KCNK10: variants seen among roughly 807,000 people sequenced by gnomAD.
The protein encoded by KCNK10 is potassium two pore domain channel subfamily K member 10.
KCNK10 carries 25 observed loss-of-function variants against 47.7 expected under a neutral mutation model. The observed-to-expected ratio is 0.52, with a 90% CI of 0.38 to 0.73. The LOEUF is 0.73. Among genes scored for constraint, KCNK10 ranks in the 30% least tolerant of loss-of-function variants. KCNK10 has a pLI of 0.00. For missense variants in KCNK10, 563 were observed against 714.5 expected (o/e 0.79, Z 2.42); for synonymous variants, 303 against 285.6 (o/e 1.06, Z -0.61).
Position 88,185,463 on chromosome 14 carries a change from T to C in KCNK10, c.*72A>G. 1 of 1,531,988 alleles carries C rather than the reference T, an allele frequency of 6.5e-7. No homozygotes were observed. Among genetic ancestry groups the C allele is most frequent in the Non-Finnish European group, 8.8e-7 (1 of 1,140,700 alleles). The allele number at this position is 1,531,988 out of a possible 1,614,324, so 94.9% of individuals were successfully genotyped here. On this transcript the variant is annotated 3_prime_UTR_variant, in exon 7 of 7. Coordinates refer to ENST00000319231, the MANE Select transcript of KCNK10 (RefSeq NM_138317.3). The surrounding 1 kb of genome is among the most constrained non-coding windows in gnomAD (Gnocchi z 4.3). ...CTAAAAAGTCTGTTTAAGGCACATGTCTCAGTGTGAATATTAAAAACACAC... is the reference window on the plus strand; with the variant it reads ...CTAAAAAGTCTGTTTAAGGCACATGCCTCAGTGTGAATATTAAAAACACAC...
chr14:88,244,600 G>A (rs1309946519), intron 2 of KCNK10, among the ~76,000 whole-genome samples: 1 of 152,116 alleles, frequency 6.6e-6, no homozygotes, highest in East Asian at 1.9e-4. Flanking sequence ...CCTGGGAGGT[G>A]GAGCTTGCAG....
rs11847997 is a variant in KCNK10, at chr14:88,293,822, T to C, written c.52+28925A>G. Among the ~76,000 whole-genome samples, 945 of 152,064 alleles carry C rather than the reference T, an allele frequency of 6.2e-3. 10 individuals carry two copies. The highest frequency in any genetic ancestry group is 0.022 in the African/African-American group (904 of 41,484). ...TCCCAAGCAGCTGGGACTATAGGCA[T>C]GCACCACCACACTTGGCTAATTTAA... On this transcript the variant is annotated intron_variant, in intron 1 of 6. Coordinates refer to ENST00000319231, the MANE Select transcript of KCNK10 (RefSeq NM_138317.3).
intron 1 of KCNK10, among the ~76,000 whole-genome samples, chr14:88,321,727 T>C (rs1227533761): frequency 6.6e-6 from 1 of 152,228 alleles, no homozygotes; most frequent in Non-Finnish European, 1.5e-5. Context: ...GTTTCTTCTT[T>C]CCAGTCTGGA....
intron 1 of KCNK10, among the ~76,000 whole-genome samples, chr14:88,265,280 T>C (rs1887222073): frequency 6.6e-6 from 1 of 152,162 alleles, no homozygotes; most frequent in African/African-American, 2.4e-5. Flanking sequence ...GGGATGATCT[T>C]GGATTATATG....
chr14:88,307,702 C>T (rs12587003), intron 1 of KCNK10, among the ~76,000 whole-genome samples: 80,820 of 152,066 alleles, frequency 0.53, 25,164 homozygotes, highest in Non-Finnish European at 0.7. Context: ...GCATCTAAGT[C>T]GGTGAGCTAA....
intron 1 of KCNK10, among the ~76,000 whole-genome samples, chr14:88,303,248 G>A (rs1337535959): frequency 2.0e-5 from 3 of 152,148 alleles, no homozygotes; most frequent in Admixed American, 6.5e-5. Context: ...CAGTGAGAAC[G>A]TAACTCTCTT....
At chr14:88,233,050 G>A (rs1357899003) in intron 3 of KCNK10, among the ~76,000 whole-genome samples, 1 of 152,220 alleles carries the variant, frequency 6.6e-6, no homozygotes, top group Non-Finnish European at 1.5e-5. Context: ...GATATTCACT[G>A]GCCCTGCATG....
chr14:88,246,420 A>G (rs1219604123), intron 2 of KCNK10, among the ~76,000 whole-genome samples: 1 of 152,188 alleles, frequency 6.6e-6, no homozygotes, highest in East Asian at 1.9e-4. Flanking sequence ...GGGCAGCAAC[A>G]TCTCTCCACC....
At chr14:88,270,014 C>G (rs1887363230) in intron 1 of KCNK10, among the ~76,000 whole-genome samples, 1 of 152,152 alleles carries the variant, frequency 6.6e-6, no homozygotes, top group Admixed American at 6.5e-5. Context: ...AGCAGCGTGA[C>G]TCTGCTACTG....
chr14:88,211,173 T>C lies in KCNK10; in HGVS notation c.681+16202A>G, dbSNP rs148962652. Among the ~76,000 whole-genome samples, 24 of 152,280 alleles carry C rather than the reference T, an allele frequency of 1.6e-4. No homozygotes were observed. The East Asian group carries it at 4.4e-3, about 28-fold the overall frequency. On this transcript the variant is annotated intron_variant, in intron 4 of 6. Coordinates refer to ENST00000319231, the MANE Select transcript of KCNK10 (RefSeq NM_138317.3). ...ACAGACAGGGGGATATTACTCAGCC[T>C]TGAAAGGAAGGAAATTCTGACACAT...
intron 2 of KCNK10, among the ~76,000 whole-genome samples, chr14:88,255,002 G>A (rs954715618): frequency 6.6e-6 from 1 of 152,232 alleles, no homozygotes; most frequent in Non-Finnish European, 1.5e-5. Context: ...ATATGAGGAG[G>A]GGCCTTAGGT....
At chr14:88,206,158 T>C (rs186019660) in intron 4 of KCNK10, among the ~76,000 whole-genome samples, 114 of 152,324 alleles carry the variant, frequency 7.5e-4, no homozygotes, top group African/African-American at 2.2e-3. Context: ...AAATTAAATA[T>C]GTAAATTCTT....
intron 4 of KCNK10, among the ~76,000 whole-genome samples, chr14:88,211,168 C>T (rs1885445531): frequency 6.6e-6 from 1 of 152,168 alleles, no homozygotes; most frequent in East Asian, 1.9e-4. Context: ...GGATATTACT[C>T]AGCCTTGAAA....
At position 88,186,514 on chromosome 14, in the gene KCNK10, C is replaced by G. The variant is rs1002481603; in HGVS notation, c.1012-359G>C. 8.5e-5 allele frequency among the ~76,000 whole-genome samples: 13 copies of G among 152,116 alleles called. No individual in the cohort carries two copies. Among genetic ancestry groups the G allele is most frequent in the Admixed American group, 2.0e-4 (3 of 15,274 alleles). ...CTCTTATCAATTGCATGGCCTCATT[C>G]CCCCAACATACACTTGAGTGACCAT... On this transcript the variant is annotated intron_variant, in intron 6 of 6. Coordinates refer to ENST00000319231, the MANE Select transcript of KCNK10 (RefSeq NM_138317.3). The surrounding 1 kb of genome is among the most constrained non-coding windows in gnomAD (Gnocchi z 5.5).
At chr14:88,325,631 C>T (rs1279399365), upstream of KCNK10, among the ~76,000 whole-genome samples, 1 of 152,036 alleles carries the variant, frequency 6.6e-6, no homozygotes, top group African/African-American at 2.4e-5. Context: ...CTGAACCTGT[C>T]CCATGGGTTC....
At chr14:88,280,481 A>T (rs1456148655) in intron 1 of KCNK10, among the ~76,000 whole-genome samples, 3 of 152,092 alleles carry the variant, frequency 2.0e-5, no homozygotes, top group Non-Finnish European at 4.4e-5. Context: ...CCCAGACCCA[A>T]AATGTCCTTG....
intron 1 of KCNK10, among the ~76,000 whole-genome samples, chr14:88,319,461 C>G (rs1476623254): frequency 6.6e-6 from 1 of 152,178 alleles, no homozygotes; most frequent in East Asian, 1.9e-4. Context: ...CTTTTCCCTG[C>G]TAAACACATT....
chr14:88,240,332 G>A (rs550018639), intron 3 of KCNK10, among the ~76,000 whole-genome samples: 1 of 152,268 alleles, frequency 6.6e-6, no homozygotes, highest in African/African-American at 2.4e-5. Flanking sequence ...CGGTCAGAAT[G>A]TTACTGTTTT....
chr14:88,208,986 A>T (rs973182841), intron 4 of KCNK10, among the ~76,000 whole-genome samples: 14 of 152,186 alleles, frequency 9.2e-5, no homozygotes, highest in Non-Finnish European at 1.8e-4. Context: ...AAGACTGCAG[A>T]TGTTGTTCAT....
Sources: allele counts gnomAD v4.1 joint callset (sites outside exome capture counted in the v4.1 genomes callset), GRCh38; gene constraint gnomAD v4.1.1; non-coding constraint Gnocchi (gnomAD v3.1); transcripts MANE v1.5; gene names NCBI Gene and HGNC (gene_info 2026-07-23, HGNC 2026-07-21).